The following SNED1 variants were observed in gnomAD, a reference collection of about 807,000 sequenced individuals.
SNED1 encodes sushi, nidogen and EGF-like domain-containing protein 1.
In SNED1, 81 loss-of-function variants were observed where a neutral mutation model predicts 166.7. That is an observed-to-expected ratio of 0.49 (90% CI 0.41 to 0.58). The LOEUF is 0.58. Among genes scored for constraint, SNED1 ranks in the 20% least tolerant of loss-of-function variants. The pLI, the probability that SNED1 is intolerant of heterozygous loss-of-function variation, is 0.00. For missense variants in SNED1, 1,604 were observed against 2,000.2 expected, an observed-to-expected ratio of 0.80 and a Z score of 3.78; for synonymous variants, 762 against 822.0, an observed-to-expected ratio of 0.93 and a Z score of 1.25.
intron 8 of SNED1, among the ~76,000 whole-genome samples, chr2:241,042,129 A>AT (rs1378145204): frequency 6.6e-6 from 1 of 152,064 alleles, no homozygotes; most frequent in African/African-American, 2.4e-5. Context: ...TGGCTACAGG[A>AT]TGGTGCTCCT....
At position 240,999,511 on chromosome 2, in the gene SNED1, G is replaced by A. The variant is rs915011381; in HGVS notation, c.213+461G>A. Among the ~76,000 whole-genome samples, 36 of 152,340 alleles carry A rather than the reference G, an allele frequency of 2.4e-4. No individual in the cohort carries two copies. Among genetic ancestry groups the A allele is most frequent in the Admixed American group, 1.1e-3 (17 of 15,308 alleles). On this transcript the variant is annotated intron_variant, in intron 1 of 31. Coordinates refer to ENST00000310397, the MANE Select transcript of SNED1 (RefSeq NM_001080437.3). The surrounding 1 kb of genome is among the most constrained non-coding windows in gnomAD (Gnocchi z 5.8). ...CCCCGCCCCCCGTGGACGCCAGTGC[G>A]GCCCAGAGCCAGGAGGCTGGACCCC...
intron 31 of SNED1, among the ~76,000 whole-genome samples, chr2:241,089,581 C>G (rs74000366): frequency 0.011 from 1,713 of 152,304 alleles, 41 homozygotes; most frequent in African/African-American, 0.039. Context: ...TGGAAAGTCT[C>G]TCCATAAGAG....
chr2:241,052,754 G>T (rs1419624979), intron 15 of SNED1, among the ~76,000 whole-genome samples: 2 of 136,090 alleles, frequency 1.5e-5, no homozygotes, highest in East Asian at 2.7e-4. Context: ...GAGGGCCGGG[G>T]GGCCAAGCAG....
Position 241,040,470 on chromosome 2 carries a change from C to T in SNED1, c.1273+57C>T, listed in dbSNP as rs1026836478. 7.2e-6 allele frequency: 8 copies of T among 1,116,016 alleles called. No homozygotes were observed. The Admixed American group carries it at 1.6e-4, about 22-fold the overall frequency. 69.1% of individuals were successfully genotyped at this position (1,116,016 alleles called of 1,614,324 possible). Reference sequence around the variant, plus strand: ...GCTGATGGTGGCTTTGTGCCGTGAACACCCCCATAGCCACTTTCCCCTTCC... The same window carrying T: ...GCTGATGGTGGCTTTGTGCCGTGAATACCCCCATAGCCACTTTCCCCTTCC... On this transcript the variant is annotated intron_variant, in intron 8 of 31. Coordinates refer to ENST00000310397, the MANE Select transcript of SNED1 (RefSeq NM_001080437.3).
intron 31 of SNED1, among the ~76,000 whole-genome samples, chr2:241,089,823 G>A (rs945768102): frequency 4.6e-5 from 7 of 152,388 alleles, no homozygotes; most frequent in African/African-American, 1.4e-4. Flanking sequence ...CGCGTACTGC[G>A]CACCTAGGCT....
At chr2:241,053,820 A>T (rs1286883266) in intron 16 of SNED1, among the ~76,000 whole-genome samples, 2 of 152,230 alleles carry the variant, frequency 1.3e-5, no homozygotes, top group Non-Finnish European at 2.9e-5. Flanking sequence ...TGCACAGCCT[A>T]GAGACAAGGC....
intron 1 of SNED1, among the ~76,000 whole-genome samples, chr2:241,026,965 T>G (rs2060988436): frequency 6.6e-6 from 1 of 152,270 alleles, no homozygotes; most frequent in African/African-American, 2.4e-5. Context: ...TGAATTTGAC[T>G]CTGCTAGGTA....
At chr2:241,038,111 G>A (rs966285525) in intron 6 of SNED1, among the ~76,000 whole-genome samples, 1 of 148,368 alleles carries the variant, frequency 6.7e-6, no homozygotes, top group Non-Finnish European at 1.5e-5. Flanking sequence ...ATAGGGCTCT[G>A]CTCAGGGAGC....
In SNED1 at chr2:241,094,281, T is replaced by C. The variant is rs57117519; in HGVS notation, c.*2645T>C. 42,809 of 469,110 alleles carry C rather than the reference T, an allele frequency of 0.091. 3,353 individuals are homozygous for C. The highest frequency in any genetic ancestry group is 0.3 in the African/African-American group (15,146 of 50,036). The allele number at this position is 469,110 out of a possible 1,614,324, so 29.1% of individuals were successfully genotyped here. ...CCCACTCAGGTATCAGCTCACCTCC[T>C]GCACCTCCCCTTAGCAGGAACTCCT... On this transcript the variant is annotated 3_prime_UTR_variant, in exon 32 of 32. Coordinates refer to ENST00000310397, the MANE Select transcript of SNED1 (RefSeq NM_001080437.3). This position sits in a 1 kb window ranked among gnomAD's most constrained non-coding sequence, Gnocchi z 4.3.
rs1378633527 is a variant in SNED1, at chr2:241,091,759, C to T, written c.*123C>T. 1 of 152,334 alleles carries T rather than the reference C, an allele frequency of 6.6e-6. No individual in the cohort carries two copies. Among genetic ancestry groups the T allele is most frequent in the Non-Finnish European group, 1.5e-5 (1 of 68,120 alleles). The allele number at this position is 152,334 out of a possible 1,614,324, so 9.4% of individuals were successfully genotyped here. On this transcript the variant is annotated 3_prime_UTR_variant, in exon 32 of 32. Coordinates refer to ENST00000310397, the MANE Select transcript of SNED1 (RefSeq NM_001080437.3). The surrounding 1 kb of genome is among the most constrained non-coding windows in gnomAD (Gnocchi z 4.1). ...AAAAGGTCCTAGCTGGAGTCAGTCCCCTCTGTGACCTCTCTCCTCAGGCCT... is the reference window on the plus strand; with the variant it reads ...AAAAGGTCCTAGCTGGAGTCAGTCCTCTCTGTGACCTCTCTCCTCAGGCCT...
At position 241,030,535 on chromosome 2, in the gene SNED1, C is replaced by T; in HGVS notation, c.465C>T (p.Tyr155=). 1 of 1,613,874 alleles carries T rather than the reference C, an allele frequency of 6.2e-7. No individual in the cohort carries two copies. Among genetic ancestry groups the T allele is most frequent in the Non-Finnish European group, 8.5e-7 (1 of 1,179,884 alleles). ...NATWVFVATW[Y]RVTFFGGSSS... is the part of the protein sequence containing the mutation. ...CCTGGGTTTTTGTTGCCACCTGGTA[C>T]CGAGTGACCTTCTTTGGAGGCAGTT... is the stretch of plus-strand genomic sequence containing the variant. Residue 155 remains tyrosine, a synonymous_variant, in exon 2 of 32, where the codon TAC becomes TAT. Transcript: ENST00000310397.
Position 241,069,892 on chromosome 2 carries a change from C to T in SNED1, c.3308-28C>T, listed in dbSNP as rs1334194257. 1 of 1,602,902 alleles carries T rather than the reference C, an allele frequency of 6.2e-7. No homozygotes were observed. The highest frequency in any genetic ancestry group is 1.7e-5 in the Admixed American group (1 of 59,580). Reference sequence around the variant, plus strand: ...CCAGAAGACCCTGTGGGCACCCCCTCACCTCTCCCTGCTCCTGCCTCATCC... The same window carrying T: ...CCAGAAGACCCTGTGGGCACCCCCTTACCTCTCCCTGCTCCTGCCTCATCC... On this transcript the variant is annotated intron_variant, in intron 23 of 31. Transcript: ENST00000310397. This position sits in a 1 kb window ranked among gnomAD's most constrained non-coding sequence, Gnocchi z 4.9.
intron 5 of SNED1, 55 bp downstream of exon 5, chr2:241,036,970 A>T: frequency 6.4e-7 from 1 of 1,560,774 alleles, no homozygotes; most frequent in Non-Finnish European, 8.7e-7. Context: ...GCTCAGGAGG[A>T]GCACTGTAGG....
chr2:241,017,168 A>G (rs1227152319), intron 1 of SNED1, among the ~76,000 whole-genome samples: 1 of 152,060 alleles, frequency 6.6e-6, no homozygotes. Context: ...ATTTTTCTAG[A>G]ACATTTTTCA....
At chr2:241,033,510 A>G in intron 2 of SNED1, 2 of 515,568 alleles carry the variant, frequency 3.9e-6, no homozygotes, top group East Asian at 3.4e-5. Flanking sequence ...CCCCAGCAAT[A>G]GTTGTGGGTT....
chr2:241,043,971 T>C lies in SNED1; in HGVS notation c.1273+3558T>C, dbSNP rs1435598248. Among the ~76,000 whole-genome samples the C allele has an allele frequency of 7.2e-5, 11 of 152,234 alleles. No homozygotes were observed. The East Asian group carries it at 1.7e-3, about 24-fold the overall frequency. On this transcript the variant is annotated intron_variant, in intron 8 of 31. Transcript: ENST00000310397. Reference sequence around the variant, plus strand: ...AGTATAATATTGTAAGGTCCCTATATTACATAAAGTGGTATATACTGTTTG... The same window carrying C: ...AGTATAATATTGTAAGGTCCCTATACTACATAAAGTGGTATATACTGTTTG...
At chr2:241,005,149 T>C (rs1331001819) in intron 1 of SNED1, among the ~76,000 whole-genome samples, 1 of 152,104 alleles carries the variant, frequency 6.6e-6, no homozygotes, top group Non-Finnish European at 1.5e-5. Context: ...AGATTTCTTT[T>C]TTTAAAAAAT....
intron 2 of SNED1, among the ~76,000 whole-genome samples, chr2:241,032,991 C>T (rs1244743703): frequency 1.3e-5 from 2 of 152,170 alleles, no homozygotes; most frequent in African/African-American, 2.4e-5. Flanking sequence ...TATTCGGAAG[C>T]CCTTTGCAGT....
chr2:241,050,700 C>CT (rs1471032376), intron 12 of SNED1, among the ~76,000 whole-genome samples: 3 of 152,198 alleles, frequency 2.0e-5, no homozygotes, highest in African/African-American at 7.2e-5. Flanking sequence ...TTTGCAAGCT[C>CT]TGACGAGGTC....
Sources: allele counts gnomAD v4.1 joint callset (sites outside exome capture counted in the v4.1 genomes callset), GRCh38; gene constraint gnomAD v4.1.1; non-coding constraint Gnocchi (gnomAD v3.1); transcripts MANE v1.5; gene names NCBI Gene and HGNC (gene_info 2026-07-23, HGNC 2026-07-21).